Variants in PBX1 observed in about 807,000 individuals in gnomAD.
The protein encoded by PBX1 is pre-B-cell leukemia transcription factor 1.
PBX1 carries 6 observed loss-of-function variants against 53.4 expected under a neutral mutation model. The ratio of observed to expected loss-of-function variants is 0.11; its 90% CI spans 0.06 to 0.22. PBX1 has a LOEUF of 0.22. PBX1 is among the 10% of genes least tolerant of loss of function. PBX1 has a pLI of 1.00. For synonymous variants in PBX1, 204 were observed against 212.3 expected (o/e 0.96, Z 0.34); for missense variants, 251 against 551.4 (o/e 0.46, Z 5.46).
intron 2 of PBX1, among the ~76,000 whole-genome samples, chr1:164,616,262 T>A (rs545682199): frequency 6.6e-6 from 1 of 151,266 alleles, no homozygotes; most frequent in East Asian, 2.0e-4. Context: ...ACACTGCTGC[T>A]GCCTGGTGCC....
At chr1:164,721,722 G>A (rs933153408) in intron 2 of PBX1, among the ~76,000 whole-genome samples, 1 of 152,156 alleles carries the variant, frequency 6.6e-6, no homozygotes, top group East Asian at 1.9e-4. Flanking sequence ...CTGGCCTGTG[G>A]CTCCTCCTTC....
chr1:164,807,861 G>A (rs1293224268), intron 5 of PBX1, among the ~76,000 whole-genome samples, 184 bp downstream of exon 5: 1 of 152,186 alleles, frequency 6.6e-6, no homozygotes, highest in East Asian at 1.9e-4. Context: ...TAAGTACTTG[G>A]CAAAACTTGA....
chr1:164,611,428 C>T lies in PBX1; in HGVS notation c.265+48117C>T, dbSNP rs551364012. On this transcript the variant is annotated intron_variant, in intron 2 of 8. Transcript: ENST00000420696. ...AATTTTTTTGTATTTTTAGTAGAGA[C>T]GGGGTTTCACCGTGTTAGCCAGGAT... is the stretch of plus-strand genomic sequence containing the variant. 6.6e-4 allele frequency among the ~76,000 whole-genome samples: 100 copies of T among 152,054 alleles called. No individual in the cohort carries two copies. The Middle Eastern group carries it at 0.01, about 16-fold the overall frequency.
At chr1:164,652,715 A>C (rs1377974428) in intron 2 of PBX1, among the ~76,000 whole-genome samples, 1 of 152,170 alleles carries the variant, frequency 6.6e-6, no homozygotes, top group Non-Finnish European at 1.5e-5. Flanking sequence ...ATACAGCAAA[A>C]TAGTTAGACC....
intron 2 of PBX1, among the ~76,000 whole-genome samples, chr1:164,695,927 G>A (rs945924121): frequency 6.6e-6 from 1 of 152,160 alleles, no homozygotes; most frequent in Non-Finnish European, 1.5e-5. Flanking sequence ...CTGTTTGTAG[G>A]ACTTCCCTAT....
In PBX1 at chr1:164,846,932, C is replaced by G; in HGVS notation, c.*256C>G. ...CAGCTGTCAGCCTGGTTTTCGTCAT[C>G]TTCCCTGCCCCTGTGCCTCTGTCCT... On this transcript the variant is annotated 3_prime_UTR_variant, in exon 9 of 9. Coordinates refer to ENST00000420696, the MANE Select transcript of PBX1 (RefSeq NM_002585.4). The G allele has an allele frequency of 7.4e-7, 1 of 1,358,654 alleles. No individual in the cohort carries two copies. 84.2% of individuals were successfully genotyped at this position (1,358,654 alleles called of 1,614,324 possible).
At chr1:164,650,090 C>T (rs1310404864) in intron 2 of PBX1, among the ~76,000 whole-genome samples, 1 of 152,142 alleles carries the variant, frequency 6.6e-6, no homozygotes. Flanking sequence ...AAAATTAGGG[C>T]AAATGTAGTG....
chr1:164,804,260 CTTATT>C (rs1311771228), intron 4 of PBX1, among the ~76,000 whole-genome samples: 1 of 151,980 alleles, frequency 6.6e-6, no homozygotes, highest in African/African-American at 2.4e-5. Context: ...AGAAAATATT[CTTATT>C]TTAAGATAAA....
At chr1:164,682,214 T>C (rs1376322356) in intron 2 of PBX1, 2 of 152,264 alleles carry the variant, frequency 1.3e-5, no homozygotes, top group Admixed American at 6.5e-5. Flanking sequence ...TTTTCTTTAA[T>C]GCATTACTAA....
At chr1:164,655,100 G>GTTTTTTTTTTTTTTTT (rs35954587) in intron 2 of PBX1, among the ~76,000 whole-genome samples, 20 of 138,702 alleles carry the variant, frequency 1.4e-4, no homozygotes, top group South Asian at 2.3e-4. Context: ...TCTGATGTGT[G>GTTTTTTTTTTTTTTTT]TTTTTTTTTT....
chr1:164,706,487 A>G (rs577085070), intron 2 of PBX1, among the ~76,000 whole-genome samples: 1 of 152,320 alleles, frequency 6.6e-6, no homozygotes, highest in East Asian at 1.9e-4. Flanking sequence ...GTTTCCTTAA[A>G]TCATAATATA....
At chr1:164,637,586 G>A (rs990722413) in intron 2 of PBX1, among the ~76,000 whole-genome samples, 1 of 152,172 alleles carries the variant, frequency 6.6e-6, no homozygotes. Flanking sequence ...TGCTCAATAA[G>A]TTGATGACTT....
chr1:164,785,355 C>A (rs1301020847), intron 2 of PBX1, among the ~76,000 whole-genome samples: 1 of 152,170 alleles, frequency 6.6e-6, no homozygotes, highest in Admixed American at 6.5e-5. Context: ...ACCTGCTGCC[C>A]TGAGTTTCAA....
At chr1:164,698,263 G>A (rs544068932) in intron 2 of PBX1, among the ~76,000 whole-genome samples, 1 of 152,246 alleles carries the variant, frequency 6.6e-6, no homozygotes, top group East Asian at 1.9e-4. Flanking sequence ...GTTAGATTTA[G>A]AAGTTCATTT....
Position 164,835,021 on chromosome 1 carries a change from A to G in PBX1, c.1201-11563A>G, listed in dbSNP as rs982748676. Among the ~76,000 whole-genome samples the G allele has an allele frequency of 5.9e-5, 9 of 152,314 alleles. No homozygotes were observed. The East Asian group carries it at 1.4e-3, about 23-fold the overall frequency. ...AACTTTGTGCTCGTAGCCTTCTAGCACTTTATGTATAAGTGTGTTTTTTAT... is the reference window on the plus strand; with the variant it reads ...AACTTTGTGCTCGTAGCCTTCTAGCGCTTTATGTATAAGTGTGTTTTTTAT... On this transcript the variant is annotated intron_variant, in intron 8 of 8. Coordinates refer to ENST00000420696, the MANE Select transcript of PBX1 (RefSeq NM_002585.4).
intron 2 of PBX1, among the ~76,000 whole-genome samples, chr1:164,573,302 TA>T (rs35182207): frequency 6.6e-6 from 1 of 151,908 alleles, no homozygotes; most frequent in Non-Finnish European, 1.5e-5. Flanking sequence ...TAGCCCCATT[TA>T]AAAAAAGTAA....
At chr1:164,613,478 T>C (rs1413230321) in intron 2 of PBX1, among the ~76,000 whole-genome samples, 3 of 152,164 alleles carry the variant, frequency 2.0e-5, no homozygotes, top group East Asian at 3.9e-4. Context: ...AGCTGAAGTA[T>C]CAGGATTGCC....
At chr1:164,843,315 C>T (rs1383901121) in intron 8 of PBX1, among the ~76,000 whole-genome samples, 1 of 152,182 alleles carries the variant, frequency 6.6e-6, no homozygotes, top group Non-Finnish European at 1.5e-5. Context: ...TTGTGTTTCT[C>T]TAACTTAAAC....
At chr1:164,844,107 CTTTCTTTCTTTTT>C (rs1466743048) in intron 8 of PBX1, among the ~76,000 whole-genome samples, 1 of 121,742 alleles carries the variant, frequency 8.2e-6, no homozygotes, top group African/African-American at 3.3e-5. Context: ...TTCTTTCTTT[CTTTCTTTCTTTTT>C]TTTTTTTTTT....
Sources: allele counts gnomAD v4.1 joint callset (sites outside exome capture counted in the v4.1 genomes callset), GRCh38; gene constraint gnomAD v4.1.1; transcripts MANE v1.5; gene names NCBI Gene and HGNC (gene_info 2026-07-23, HGNC 2026-07-21).